The following NCOR1 variants were observed in gnomAD, a reference collection of about 807,000 sequenced individuals.
NCOR1 encodes the protein nuclear receptor corepressor 1, also known as protein phosphatase 1, regulatory subunit 109.
Under a neutral mutation model 288.1 loss-of-function variants are expected in NCOR1, and 63 were observed. The observed-to-expected ratio is 0.22, with a 90% CI of 0.18 to 0.27. The LOEUF (loss-of-function observed/expected upper bound fraction) is 0.27, where lower values mean the gene tolerates loss of function less well. NCOR1 is among the 10% of genes least tolerant of loss of function. NCOR1 has a pLI of 1.00. For synonymous variants in NCOR1, 1,007 were observed against 1,065.9 expected, an observed-to-expected ratio of 0.94 and a Z score of 1.08; for missense variants, 2,397 against 3,019.2, an observed-to-expected ratio of 0.79 and a Z score of 4.83.
rs1035136482 is a variant in NCOR1 at position 16,186,556 on chromosome 17, G to A, written c.240C>T (p.Asp80=). 4.3e-5 allele frequency: 69 copies of A among 1,613,674 alleles called. 2 individuals carry two copies. Among genetic ancestry groups the A allele is most frequent in the Non-Finnish European group, 5.1e-6 (6 of 1,179,842 alleles). Residue 80 remains aspartate, a splice_region_variant and synonymous_variant, in exon 3 of 46, where the codon GAC becomes GAT. Coordinates refer to ENST00000268712, the MANE Select transcript of NCOR1 (RefSeq NM_006311.4). ...SLLSEFHPGS[D]RPQERRTSYE... ...AAACATAAAAGAAACCTCATTACCT[G>A]TCAGAACCTGGGTGAAATTCTGAAA...
At chr17:16,121,619 G>A (rs1174278052) in intron 15 of NCOR1, among the ~76,000 whole-genome samples, 2 of 152,198 alleles carry the variant, frequency 1.3e-5, no homozygotes, top group Non-Finnish European at 2.9e-5. Flanking sequence ...CAAAAGGCAG[G>A]AATTCTGGGG....
Position 16,073,421 on chromosome 17 carries a change from T to C in NCOR1, c.3811+8A>G, listed in dbSNP as rs560337998. ...TATCAAAATAACATTCTGAAAACAA[T>C]GCTTTACCCTCTAACGGTGCTGATA... is the stretch of plus-strand genomic sequence containing the variant. On this transcript the variant is annotated splice_region_variant and intron_variant, in intron 28 of 45. Coordinates refer to ENST00000268712, the MANE Select transcript of NCOR1 (RefSeq NM_006311.4). The C allele has an allele frequency of 6.4e-7, 1 of 1,562,696 alleles. No individual in the cohort carries two copies. Among genetic ancestry groups the C allele is most frequent in the Non-Finnish European group, 8.6e-7 (1 of 1,158,886 alleles).
rs71299856 is a variant in NCOR1 at position 16,167,859 on chromosome 17, C to CAAAA, written c.436-2702_436-2699dup. On this transcript the variant is annotated intron_variant, in intron 4 of 45. Coordinates refer to ENST00000268712, the MANE Select transcript of NCOR1 (RefSeq NM_006311.4). The stretch of plus-strand genomic sequence containing the variant: ...TGGGTGATAGAAGAAGACTCCATCT[C>CAAAA]AAAAAAAAAAAAAAAAAAAACCACA... Among the ~76,000 whole-genome samples, 421 of 61,860 alleles carry CAAAA rather than the reference C, an allele frequency of 6.8e-3. 1 individual carries two copies. The highest frequency in any genetic ancestry group is 0.021 in the Middle Eastern group (2 of 96). 40.6% of individuals were successfully genotyped at this position (61,860 alleles called of 152,430 possible). A position where few individuals can be genotyped will look rare whatever the true frequency, so the allele number is the denominator to read the frequency against.
intron 10 of NCOR1, 64 bp downstream of exon 10, chr17:16,146,311 TA>T (rs995989821): frequency 1.4e-5 from 20 of 1,463,246 alleles, no homozygotes; most frequent in South Asian, 4.3e-5. Context: ...AAAAAATTTT[TA>T]AAAAAAAGAA....
intron 2 of NCOR1, among the ~76,000 whole-genome samples, chr17:16,189,504 G>C (rs1307407978): frequency 6.6e-6 from 1 of 152,068 alleles, no homozygotes; most frequent in Non-Finnish European, 1.5e-5. Flanking sequence ...AGCTAAGAGA[G>C]AACTGAGGAA....
chr17:16,180,580 T>C (rs1031453966), intron 3 of NCOR1, among the ~76,000 whole-genome samples: 4 of 151,132 alleles, frequency 2.6e-5, no homozygotes, highest in South Asian at 2.1e-4. Context: ...AGACCCTATC[T>C]CTACAAAAAA....
rs892039113 is a variant in NCOR1 at position 16,127,713 on chromosome 17, G to A, written c.1510-1507C>T. Among the ~76,000 whole-genome samples the A allele has an allele frequency of 6.6e-5, 9 of 137,026 alleles. 1 individual carries two copies. The highest frequency in any genetic ancestry group is 1.6e-4 in the African/African-American group (6 of 37,206). The allele number at this position is 137,026 out of a possible 152,430, so 89.9% of individuals were successfully genotyped here. ...TATACATATATGTATATATGTGTGT[G>A]TATATATACATATATGTGTATATAT... On this transcript the variant is annotated intron_variant, in intron 14 of 45. Transcript: ENST00000268712.
Position 16,086,580 on chromosome 17 carries a change from T to TG in NCOR1, c.3017-139_3017-138insC. 3.7e-6 allele frequency: 3 copies of TG among 806,618 alleles called. No individual in the cohort carries two copies. In the South Asian group the frequency reaches 6.0e-5, roughly 16 times the overall value. 50.0% of individuals were successfully genotyped at this position (806,618 alleles called of 1,614,324 possible). ...GAAACCAACAATGAACATTTCTATT[T>TG]TAAATTTCTCATTCACGTAAGCCTG... On this transcript the variant is annotated intron_variant, in intron 22 of 45. Coordinates refer to ENST00000268712, the MANE Select transcript of NCOR1 (RefSeq NM_006311.4).
chr17:16,065,428 A>C (rs2061012025), intron 33 of NCOR1, 57 bp downstream of exon 33: 1 of 1,537,218 alleles, frequency 6.5e-7, no homozygotes, highest in African/African-American at 1.4e-5. Context: ...TGAGTACCTA[A>C]GAAACACTAG....
Position 16,091,585 on chromosome 17 carries a change from G to A in NCOR1, c.3016+278C>T. On this transcript the variant is annotated intron_variant, in intron 22 of 45. Coordinates refer to ENST00000268712, the MANE Select transcript of NCOR1 (RefSeq NM_006311.4). The stretch of plus-strand genomic sequence containing the variant: ...AAAATTCAGATGAACGGAACATAAA[G>A]CATAACTTTATTTATAATGTCTTCC... 6 of 1,266,042 alleles carry A rather than the reference G, an allele frequency of 4.7e-6. No individual in the cohort carries two copies. In the South Asian group the frequency reaches 5.4e-5, roughly 11 times the overall value. 78.4% of individuals were successfully genotyped at this position (1,266,042 alleles called of 1,614,324 possible).
chr17:16,044,738 G>C, intron 42 of NCOR1: 1 of 767,944 alleles, frequency 1.3e-6, no homozygotes, highest in Non-Finnish European at 2.4e-6. Flanking sequence ...TGTAAATGTT[G>C]AACCTTTTTG....
intron 1 of NCOR1, among the ~76,000 whole-genome samples, chr17:16,207,562 A>G (rs2091660287): frequency 6.6e-6 from 1 of 152,066 alleles, no homozygotes; most frequent in South Asian, 2.1e-4. Flanking sequence ...TAACACAGTG[A>G]AACCCCATCT....
At chr17:16,043,735 C>G (rs2058152042) in intron 42 of NCOR1, among the ~76,000 whole-genome samples, 1 of 152,200 alleles carries the variant, frequency 6.6e-6, no homozygotes, top group African/African-American at 2.4e-5. Context: ...ATCTCTAGCT[C>G]TCCGTGCTCA....
intron 15 of NCOR1, among the ~76,000 whole-genome samples, chr17:16,124,969 T>C (rs1447233433): frequency 6.6e-6 from 1 of 152,228 alleles, no homozygotes; most frequent in Non-Finnish European, 1.5e-5. Context: ...AAAGTAATAA[T>C]AACTCATGAC....
At chr17:16,049,080 GAGA>G in intron 40 of NCOR1, 92 bp from the exon 41 acceptor site, 2 of 1,336,298 alleles carry the variant, frequency 1.5e-6, no homozygotes, top group East Asian at 2.5e-5. Context: ...CTTCATTCAG[GAGA>G]AGGAGCAAAA....
intron 44 of NCOR1, among the ~76,000 whole-genome samples, 156 bp from the exon 45 acceptor site, chr17:16,035,100 C>T (rs1455406611): frequency 6.6e-6 from 1 of 152,162 alleles, no homozygotes; most frequent in Non-Finnish European, 1.5e-5. Flanking sequence ...TACAGGCATA[C>T]CTCAGAGATA....
chr17:16,131,369 C>T (rs2153225488), intron 14 of NCOR1, among the ~76,000 whole-genome samples: 1 of 152,130 alleles, frequency 6.6e-6, no homozygotes, highest in African/African-American at 2.4e-5. Context: ...GATTCAGTTT[C>T]ATATGGGTCC....
chr17:16,215,330 G>A (rs541397760), intron 1 of NCOR1, 32 bp downstream of exon 1: 2 of 391,794 alleles, frequency 5.1e-6, no homozygotes, highest in Admixed American at 4.4e-5. Context: ...GGAGCCCGGA[G>A]GCCGGGGTTG....
At chr17:16,102,825 G>A (rs551269496) in intron 19 of NCOR1, among the ~76,000 whole-genome samples, 13 of 152,114 alleles carry the variant, frequency 8.5e-5, no homozygotes, top group African/African-American at 2.4e-4. Context: ...AACTCCTGAC[G>A]TCAGGTGATC....
Sources: allele counts gnomAD v4.1 joint callset (sites outside exome capture counted in the v4.1 genomes callset), GRCh38; gene constraint gnomAD v4.1.1; transcripts MANE v1.5; gene names NCBI Gene and HGNC (gene_info 2026-07-23, HGNC 2026-07-21).